The following TXNRD1 variants were observed in gnomAD, a reference collection of about 807,000 sequenced individuals.
TXNRD1 encodes thioredoxin reductase 1, cytoplasmic.
In TXNRD1, 57 loss-of-function variants were observed where a neutral mutation model predicts 80.3. The observed-to-expected ratio is 0.71, with a 90% CI of 0.57 to 0.89. The LOEUF is 0.89. Among genes scored for constraint, TXNRD1 ranks in the 40% least tolerant of loss-of-function variants. The pLI is 0.00. For missense variants in TXNRD1, 730 were observed against 803.0 expected (o/e 0.91, Z 1.10); for synonymous variants, 291 against 285.2 (o/e 1.02, Z -0.20).
At chr12:104,332,826 A>T (rs796299452) in intron 14 of TXNRD1, among the ~76,000 whole-genome samples, 6 of 151,698 alleles carry the variant, frequency 4.0e-5, no homozygotes, top group African/African-American at 1.4e-4. Flanking sequence ...ATCAAAAAGG[A>T]AATTTTAATT....
rs546905050 is a variant in TXNRD1 at position 104,226,979 on chromosome 12, G to A, written c.91+11086G>A. Among the ~76,000 whole-genome samples, 9 of 152,152 alleles carry A rather than the reference G, an allele frequency of 5.9e-5. 1 individual carries two copies. The South Asian group carries it at 8.3e-4, about 14-fold the overall frequency. On this transcript the variant is annotated intron_variant, in intron 1 of 16. Coordinates refer to ENST00000525566, the MANE Select transcript of TXNRD1 (RefSeq NM_001093771.3). Reference sequence around the variant, plus strand: ...AGCTCAAGATAGTAAGGAATAACTTGCTTTAAAGTAATAAATATGTTAAGA... The same window carrying A: ...AGCTCAAGATAGTAAGGAATAACTTACTTTAAAGTAATAAATATGTTAAGA...
chr12:104,313,660 A>G (rs1017938790), intron 6 of TXNRD1, among the ~76,000 whole-genome samples: 2 of 152,190 alleles, frequency 1.3e-5, no homozygotes, highest in African/African-American at 2.4e-5. Context: ...ACATTCAACA[A>G]GAGTTGGAAT....
chr12:104,304,140 C>CTCTGGA, intron 4 of TXNRD1: 3 of 1,614,068 alleles, frequency 1.9e-6, no homozygotes, highest in Non-Finnish European at 2.5e-6. Context: ...TTAACCGAGG[C>CTCTGGA]TCTGGAGGAA....
chr12:104,251,557 C>G lies in TXNRD1; in HGVS notation c.122C>G (p.Pro41Arg), dbSNP rs1157286093. Reference sequence around the variant, plus strand: ...GATCATCACCCTGGTAAAACTTTGCCAGAGAACCCAGCAGGATTCACCAGC... The same window carrying G: ...GATCATCACCCTGGTAAAACTTTGCGAGAGAACCCAGCAGGATTCACCAGC... ...AKDHHPGKTL[P>R]ENPAGFTSTA... Residue 41 changes from proline to arginine, a missense_variant, in exon 2 of 17, where the codon CCA becomes CGA. Physicochemically the swap from Pro to Arg is moderately radical, Grantham distance 103. Coordinates refer to ENST00000525566, the MANE Select transcript of TXNRD1 (RefSeq NM_001093771.3). 1 of 1,613,748 alleles carries G rather than the reference C, an allele frequency of 6.2e-7. No individual in the cohort carries two copies. Among genetic ancestry groups the G allele is most frequent in the African/African-American group, 1.3e-5 (1 of 74,908 alleles).
chr12:104,347,203 T>C (rs1211500730), intron 16 of TXNRD1, among the ~76,000 whole-genome samples: 1 of 152,138 alleles, frequency 6.6e-6, no homozygotes, highest in Non-Finnish European at 1.5e-5. Flanking sequence ...ATATGAATTA[T>C]CCATATTTTC....
intron 4 of TXNRD1, among the ~76,000 whole-genome samples, chr12:104,305,482 C>A (rs560791222): frequency 6.6e-6 from 1 of 152,140 alleles, no homozygotes; most frequent in Admixed American, 6.5e-5. Context: ...TGTTATTGTA[C>A]TCAGCAAAAG....
intron 3 of TXNRD1, among the ~76,000 whole-genome samples, chr12:104,267,704 TC>T (rs1565870311): frequency 1.2e-3 from 29 of 24,850 alleles, no homozygotes; most frequent in East Asian, 3.3e-3. Context: ...TTTCTTTCTC[TC>T]TTTCTTTCTT....
chr12:104,224,449 C>T (rs373973557), intron 1 of TXNRD1, among the ~76,000 whole-genome samples: 7 of 152,022 alleles, frequency 4.6e-5, no homozygotes, highest in South Asian at 4.1e-4. Context: ...AGTGCAGTGG[C>T]GCAATCTCGG....
rs71069741 is a variant in TXNRD1, at chr12:104,269,399, CTT to C, written c.304+11337_304+11338del. Among the ~76,000 whole-genome samples, 76 of 120,386 alleles carry C rather than the reference CTT, an allele frequency of 6.3e-4. No individual in the cohort carries two copies. The East Asian group carries it at 7.5e-3, about 12-fold the overall frequency. The allele number at this position is 120,386 out of a possible 152,430, so 79.0% of individuals were successfully genotyped here. On this transcript the variant is annotated intron_variant, in intron 3 of 16. Transcript: ENST00000525566. Reference sequence around the variant, plus strand: ...TTTTCTTCTTTTTCTGTGTTTCTTTCTTTTTTTTTTTTTTTTTTGAGACAGGG... The same window carrying C: ...TTTTCTTCTTTTTCTGTGTTTCTTTCTTTTTTTTTTTTTTTTGAGACAGGG...
Position 104,311,376 on chromosome 12 carries a change from C to T in TXNRD1, c.501C>T (p.Ile167=). The T allele has an allele frequency of 1.2e-6, 2 of 1,613,636 alleles. No individual in the cohort carries two copies. The highest frequency in any genetic ancestry group is 1.7e-6 in the Non-Finnish European group (2 of 1,179,714). Residue 167 remains isoleucine, a synonymous_variant, in exon 5 of 17, where the codon ATC becomes ATT. Coordinates refer to ENST00000525566, the MANE Select transcript of TXNRD1 (RefSeq NM_001093771.3). ...AGTCCTATGACTATGACCTTATCAT[C>T]ATTGGAGGTGGCTCAGGAGGTCTGG... is the stretch of plus-strand genomic sequence containing the variant. ...LPKSYDYDLI[I]IGGGSGGLAA...
intron 3 of TXNRD1, chr12:104,286,834 T>C: frequency 9.4e-7 from 1 of 1,059,920 alleles, no homozygotes; most frequent in African/African-American, 1.7e-5. Context: ...GGGGCGGCTA[T>C]GAGCAGGCAG....
chr12:104,302,141 T>C (rs376804899), intron 4 of TXNRD1, among the ~76,000 whole-genome samples: 2 of 152,216 alleles, frequency 1.3e-5, no homozygotes, highest in East Asian at 3.8e-4. Flanking sequence ...TAATGCATGG[T>C]GTTTTGAAAA....
chr12:104,251,723 T>G (rs763745151), intron 2 of TXNRD1, 45 bp downstream of exon 2: 35 of 1,595,480 alleles, frequency 2.2e-5, no homozygotes, highest in Non-Finnish European at 2.9e-5. Context: ...TGAAGGAATT[T>G]GACAGACTTT....
At position 104,255,718 on chromosome 12, in the gene TXNRD1, G is replaced by T. The variant is rs181428403; in HGVS notation, c.244-2301G>T. Among the ~76,000 whole-genome samples the T allele has an allele frequency of 3.7e-3, 562 of 152,146 alleles. 14 individuals carry two copies. Among genetic ancestry groups the T allele is most frequent in the Admixed American group, 0.033 (502 of 15,272 alleles). The stretch of plus-strand genomic sequence containing the variant: ...TGAGGCAGGAGAATTGCTTGAACCC[G>T]GGAGGCAGAGGTTGCAGTGAGCCAA... On this transcript the variant is annotated intron_variant, in intron 2 of 16. Coordinates refer to ENST00000525566, the MANE Select transcript of TXNRD1 (RefSeq NM_001093771.3).
intron 1 of TXNRD1, among the ~76,000 whole-genome samples, chr12:104,219,519 G>A (rs892370993): frequency 4.6e-5 from 7 of 152,184 alleles, no homozygotes; most frequent in African/African-American, 1.7e-4. Flanking sequence ...AAAATGCAGT[G>A]TCATGATGTG....
intron 1 of TXNRD1, among the ~76,000 whole-genome samples, chr12:104,237,198 C>T (rs989738506): frequency 6.6e-6 from 1 of 152,142 alleles, no homozygotes; most frequent in Non-Finnish European, 1.5e-5. Context: ...AATTACTTCA[C>T]ATTGTGGGAG....
intron 1 of TXNRD1, among the ~76,000 whole-genome samples, chr12:104,244,196 G>T (rs1290338622): frequency 6.6e-6 from 1 of 152,200 alleles, no homozygotes; most frequent in Non-Finnish European, 1.5e-5. Flanking sequence ...CTCTCTGCAG[G>T]CTTTCAGGTG....
intron 10 of TXNRD1, among the ~76,000 whole-genome samples, chr12:104,322,479 C>G (rs902817671): frequency 6.5e-5 from 9 of 139,442 alleles, no homozygotes; most frequent in Non-Finnish European, 1.1e-4. Context: ...CTCCCAAGTT[C>G]AAGCGATTCT....
chr12:104,220,741 G>A (rs1358891372), intron 1 of TXNRD1, among the ~76,000 whole-genome samples: 2 of 72,090 alleles, frequency 2.8e-5, no homozygotes, highest in South Asian at 4.9e-4. Context: ...AAAAAAAAAC[G>A]GTGGGGGGGA....
Sources: gnomAD v4.1 joint callset for allele counts (sites outside exome capture counted in the v4.1 genomes callset) on GRCh38, gnomAD v4.1.1 for gene constraint, MANE v1.5 for transcripts, NCBI Gene and HGNC (gene_info 2026-07-23, HGNC 2026-07-21) for gene names.